RGS3: variants seen among roughly 807,000 people sequenced by gnomAD.
RGS3 encodes the protein regulator of G protein signaling 3.
Under a neutral mutation model 132.6 loss-of-function variants are expected in RGS3, and 80 were observed. That is an observed-to-expected ratio of 0.60 (90% CI 0.50 to 0.73). The LOEUF is 0.73. Among genes scored for constraint, RGS3 ranks in the 30% least tolerant of loss-of-function variants. The pLI is 0.00. For synonymous variants in RGS3, 598 were observed against 620.6 expected, an observed-to-expected ratio of 0.96 and a Z score of 0.54; for missense variants, 1,382 against 1,530.8, an observed-to-expected ratio of 0.90 and a Z score of 1.62.
In RGS3 at chr9:113,579,526, AG is replaced by A. The variant is rs1322808821; in HGVS notation, c.2038-3921del. Reference sequence around the variant, plus strand: ...GAAAGACACAGACCCCCACCTTGGGAGGGTGGGGCAGTGGCTTCCAGCACTC... The same window carrying A: ...GAAAGACACAGACCCCCACCTTGGGAGGTGGGGCAGTGGCTTCCAGCACTC... On this transcript the variant is annotated intron_variant, in intron 19 of 24. Transcript: ENST00000350696. This position sits in a 1 kb window ranked among gnomAD's most constrained non-coding sequence, Gnocchi z 4.3. 2.6e-5 allele frequency among the ~76,000 whole-genome samples: 4 copies of A among 152,138 alleles called. No homozygotes were observed. Among genetic ancestry groups the A allele is most frequent in the African/African-American group, 4.8e-5 (2 of 41,428 alleles).
intron 14 of RGS3, among the ~76,000 whole-genome samples, chr9:113,510,950 A>G (rs1831375525): frequency 6.6e-6 from 1 of 152,212 alleles, no homozygotes; most frequent in Non-Finnish European, 1.5e-5. Context: ...CCAGAGGTTA[A>G]GGCTGTCACC....
At chr9:113,511,227 G>T (rs959326674) in intron 14 of RGS3, among the ~76,000 whole-genome samples, 1 of 152,206 alleles carries the variant, frequency 6.6e-6, no homozygotes, top group African/African-American at 2.4e-5. Flanking sequence ...GGCTGCCAGG[G>T]CTCGCCTCAG....
At chr9:113,454,362 CT>C (rs1392525540) in intron 1 of RGS3, among the ~76,000 whole-genome samples, 1 of 152,076 alleles carries the variant, frequency 6.6e-6, no homozygotes. Flanking sequence ...AATCCCAGCA[CT>C]TTGGGAGGCT....
intron 19 of RGS3, among the ~76,000 whole-genome samples, chr9:113,575,844 T>G (rs1368697331): frequency 6.6e-6 from 1 of 152,216 alleles, no homozygotes; most frequent in Non-Finnish European, 1.5e-5. Flanking sequence ...GATTCTAAAG[T>G]GTACTTCTCC....
chr9:113,447,615 A>G (rs1001386307), intron 1 of RGS3, among the ~76,000 whole-genome samples: 4 of 151,782 alleles, frequency 2.6e-5, no homozygotes, highest in Non-Finnish European at 5.9e-5. Context: ...TTTATTTGCT[A>G]TAAATTCATT....
chr9:113,578,935 G>A (rs888432579), intron 19 of RGS3, among the ~76,000 whole-genome samples: 4 of 152,220 alleles, frequency 2.6e-5, no homozygotes, highest in African/African-American at 9.6e-5. Flanking sequence ...CAAGCTTGGA[G>A]TGGGGTAGCT....
chr9:113,466,119 AAC>A (rs1390933081), intron 3 of RGS3, among the ~76,000 whole-genome samples: 3 of 152,214 alleles, frequency 2.0e-5, no homozygotes, highest in African/African-American at 7.2e-5. Context: ...TGAGAATATG[AAC>A]ACTTAAGAAG....
intron 20 of RGS3, among the ~76,000 whole-genome samples, chr9:113,586,442 G>A (rs1340921884): frequency 6.6e-6 from 1 of 152,200 alleles, no homozygotes; most frequent in African/African-American, 2.4e-5. Flanking sequence ...CTCCTGCCTG[G>A]GAGTCTAGCA....
In RGS3 at chr9:113,529,204, T is replaced by A; in HGVS notation, c.1871-17T>A. 6.2e-7 allele frequency: 1 copy of A among 1,608,626 alleles called. No homozygotes were observed. The highest frequency in any genetic ancestry group is 8.5e-7 in the Non-Finnish European group (1 of 1,174,992). On this transcript the variant is annotated splice_polypyrimidine_tract_variant and intron_variant, in intron 17 of 24. Coordinates refer to ENST00000350696, the Ensembl canonical transcript of RGS3. Reference sequence around the variant, plus strand: ...TATCCAGTTCTAATGCAAATCTTACTTTTTGTTCCCTCAAAGGTTCTTCAG... The same window carrying A: ...TATCCAGTTCTAATGCAAATCTTACATTTTGTTCCCTCAAAGGTTCTTCAG...
chr9:113,553,149 A>G (rs1833408332), intron 19 of RGS3, among the ~76,000 whole-genome samples: 1 of 151,960 alleles, frequency 6.6e-6, no homozygotes, highest in South Asian at 2.1e-4. Flanking sequence ...TAACTCATCT[A>G]TAAAGATATA....
chr9:113,566,363 G>A (rs1834012451), intron 19 of RGS3, among the ~76,000 whole-genome samples: 2 of 152,168 alleles, frequency 1.3e-5, no homozygotes. Flanking sequence ...GTAGAGACAG[G>A]CTCACACCAC....
chr9:113,495,307 G>A (rs912315440), intron 7 of RGS3, among the ~76,000 whole-genome samples: 14 of 152,234 alleles, frequency 9.2e-5, no homozygotes, highest in Non-Finnish European at 1.9e-4. Flanking sequence ...CAGCTTTTGT[G>A]TCAGGTTGGT....
chr9:113,511,395 C>T (rs1341240472), intron 14 of RGS3, among the ~76,000 whole-genome samples: 1 of 149,294 alleles, frequency 6.7e-6, no homozygotes. Context: ...GCAAGCTGTA[C>T]TGTTCTAAAA....
At chr9:113,554,494 A>G (rs992193640) in intron 19 of RGS3, among the ~76,000 whole-genome samples, 1 of 152,190 alleles carries the variant, frequency 6.6e-6, no homozygotes, top group Non-Finnish European at 1.5e-5. Context: ...TTTAGTAGAG[A>G]TGGGGTTTCA....
intron 16 of RGS3, among the ~76,000 whole-genome samples, chr9:113,519,890 T>C (rs1831855400): frequency 6.6e-6 from 1 of 152,212 alleles, no homozygotes; most frequent in South Asian, 2.1e-4. Flanking sequence ...TTGATTAATG[T>C]GCCCTGAGGT....
intron 4 of RGS3, among the ~76,000 whole-genome samples, chr9:113,482,059 A>C (rs1291971426): frequency 1.3e-5 from 2 of 151,634 alleles, no homozygotes; most frequent in Non-Finnish European, 2.9e-5. Context: ...AAAAAAAAAA[A>C]ACAAAAAAAA....
intron 3 of RGS3, among the ~76,000 whole-genome samples, chr9:113,467,289 A>G (rs1829674780): frequency 6.6e-6 from 1 of 152,190 alleles, no homozygotes; most frequent in Non-Finnish European, 1.5e-5. Context: ...GTGTTTAACT[A>G]TTTAGGGAAC....
At chr9:113,484,754 T>C (rs143898477) in intron 6 of RGS3, among the ~76,000 whole-genome samples, 7 of 152,308 alleles carry the variant, frequency 4.6e-5, no homozygotes, top group Admixed American at 2.6e-4. Context: ...ATTATTGTTA[T>C]TATTTCTTTC....
intron 24 of RGS3, 66 bp downstream of exon 22, chr9:113,595,831 G>T (rs1835747375): frequency 1.3e-6 from 2 of 1,555,150 alleles, no homozygotes; most frequent in Admixed American, 1.7e-5. Context: ...TCAGCTGCAA[G>T]GTGGCAGCCA....
Sources: gnomAD v4.1 joint callset for allele counts (sites outside exome capture counted in the v4.1 genomes callset) on GRCh38, gnomAD v4.1.1 for gene constraint, Gnocchi (gnomAD v3.1) non-coding constraint, MANE v1.5 for transcripts, NCBI Gene and HGNC (gene_info 2026-07-23, HGNC 2026-07-21) for gene names.